The following ELL variants were observed in gnomAD, a reference collection of about 807,000 sequenced individuals.
ELL encodes elongation factor for RNA polymerase II.
ELL carries 18 observed loss-of-function variants against 64.0 expected under a neutral mutation model. The observed-to-expected ratio is 0.28, with a 90% CI of 0.19 to 0.42. The LOEUF (loss-of-function observed/expected upper bound fraction) is 0.42. Among genes scored for constraint, ELL ranks in the 10% least tolerant of loss-of-function variants. The probability of loss-of-function intolerance (pLI) is 1.00; values close to 1 mark genes in which losing one functional copy is unlikely to be tolerated. For synonymous variants in ELL, 399 were observed against 376.2 expected, an observed-to-expected ratio of 1.06 and a Z score of -0.70; for missense variants, 797 against 870.4, an observed-to-expected ratio of 0.92 and a Z score of 1.06.
chr19:18,465,284 C>A (rs569986476), intron 4 of ELL, 128 bp downstream of exon 4: 1 of 1,327,768 alleles, frequency 7.5e-7, no homozygotes, highest in South Asian at 1.5e-5. Context: ...GCTCAGGGAC[C>A]GACTCCTCGG....
chr19:18,502,857 CCT>C (rs561603567), intron 1 of ELL, among the ~76,000 whole-genome samples: 138 of 152,310 alleles, frequency 9.1e-4, no homozygotes, highest in Middle Eastern at 6.8e-3. Flanking sequence ...TCCAAAAGCC[CCT>C]GTCTTGGGAA....
chr19:18,502,939 G>A (rs538501903), intron 1 of ELL, among the ~76,000 whole-genome samples: 32 of 152,232 alleles, frequency 2.1e-4, no homozygotes, highest in Non-Finnish European at 3.8e-4. Context: ...GCAGGCCAGC[G>A]CTCCAGGCAG....
intron 1 of ELL, among the ~76,000 whole-genome samples, chr19:18,518,160 C>G (rs993843139): frequency 6.0e-5 from 9 of 150,712 alleles, no homozygotes; most frequent in Admixed American, 5.3e-4. Flanking sequence ...TACACTCCAG[C>G]CTAGCAACAA....
At chr19:18,465,295 T>G (rs1974909987) in intron 4 of ELL, 117 bp downstream of exon 4, 1 of 1,390,366 alleles carries the variant, frequency 7.2e-7, no homozygotes, top group African/African-American at 1.5e-5. Context: ...GACTCCTCGG[T>G]TGACCCATCA....
chr19:18,482,093 T>C (rs1489139419), intron 1 of ELL, among the ~76,000 whole-genome samples: 3 of 152,278 alleles, frequency 2.0e-5, no homozygotes, highest in African/African-American at 7.2e-5. Flanking sequence ...AGGTTCATGT[T>C]TGGGTTTCCC....
Position 18,496,985 on chromosome 19 carries a change from C to G in ELL, c.136-24103G>C, listed in dbSNP as rs141695697. Among the ~76,000 whole-genome samples the G allele has an allele frequency of 4.4e-3, 671 of 152,310 alleles. 5 individuals are homozygous for G. The highest frequency in any genetic ancestry group is 0.016 in the African/African-American group (648 of 41,572). On this transcript the variant is annotated intron_variant, in intron 1 of 11. Transcript: ENST00000262809. ...CAAAATGGTGCGGCCTCAACAGATT[C>G]CTGAAAAACTAAACTAACATACTCT...
chr19:18,486,428 G>C (rs1975418981), intron 1 of ELL, among the ~76,000 whole-genome samples: 1 of 152,152 alleles, frequency 6.6e-6, no homozygotes, highest in Non-Finnish European at 1.5e-5. Context: ...TGTGACCCAG[G>C]TCAGAAGGAG....
At chr19:18,465,688 A>C in intron 3 of ELL, 109 bp downstream of exon 3, 1 of 1,474,426 alleles carries the variant, frequency 6.8e-7, no homozygotes, top group South Asian at 1.4e-5. Context: ...CTCTGTCAAC[A>C]CCATCTCAGG....
chr19:18,495,715 C>T (rs536583874), intron 1 of ELL, among the ~76,000 whole-genome samples: 1 of 152,328 alleles, frequency 6.6e-6, no homozygotes, highest in South Asian at 2.1e-4. Flanking sequence ...CCCCTGCCCC[C>T]TGTACGAGTG....
Position 18,451,612 on chromosome 19 carries a change from A to T in ELL, c.906T>A (p.Leu302=). The part of the protein sequence containing the change: ...LCQPQSTGSL[L]GDPAASSPPG... ...GGGGGCTGGAGGCAGCAGGGTCTCC[A>T]AGGAGGCTGCCAGTGCTCTGTGGCT... The change falls in exon 7 of 12, where the codon CTT becomes CTA. Residue 302 remains leucine, a synonymous_variant. Transcript: ENST00000262809. 6.7e-7 allele frequency: 1 copy of T among 1,502,864 alleles called. No homozygotes were observed. The highest frequency in any genetic ancestry group is 8.8e-7 in the Non-Finnish European group (1 of 1,132,252). 93.1% of individuals were successfully genotyped at this position (1,502,864 alleles called of 1,614,324 possible). A position where few individuals can be genotyped will look rare whatever the true frequency, so the allele number is the denominator to read the frequency against.
intron 1 of ELL, among the ~76,000 whole-genome samples, chr19:18,496,583 C>G (rs115644801): frequency 0.011 from 1,677 of 151,970 alleles, 35 homozygotes; most frequent in African/African-American, 0.038. Context: ...CTACAGAGAT[C>G]ATGGGTTGGA....
intron 1 of ELL, among the ~76,000 whole-genome samples, chr19:18,505,084 C>T (rs1471179743): frequency 2.6e-5 from 4 of 152,222 alleles, no homozygotes; most frequent in African/African-American, 7.2e-5. Flanking sequence ...ATGGCCAAAC[C>T]TCAGGCGACT....
At chr19:18,448,065 C>A (rs1018337336) in intron 8 of ELL, among the ~76,000 whole-genome samples, 1 of 151,672 alleles carries the variant, frequency 6.6e-6, no homozygotes, top group Non-Finnish European at 1.5e-5. Context: ...GGATTAAAGG[C>A]ATGAACCACC....
At chr19:18,482,804 TG>T (rs1975333464) in intron 1 of ELL, among the ~76,000 whole-genome samples, 1 of 152,166 alleles carries the variant, frequency 6.6e-6, no homozygotes, top group Admixed American at 6.5e-5. Flanking sequence ...TTGCTGCTGT[TG>T]TTTTGAGACA....
intron 6 of ELL, among the ~76,000 whole-genome samples, chr19:18,457,963 G>A (rs35685562): frequency 6.6e-5 from 10 of 152,150 alleles, no homozygotes; most frequent in African/African-American, 1.2e-4. Flanking sequence ...TTCCAAGGTC[G>A]GGGCCAGTGA....
rs748609 is a variant in ELL at position 18,449,472 on chromosome 19, T to G, written c.1465+1005A>C. On this transcript the variant is annotated intron_variant, in intron 8 of 11. Transcript: ENST00000262809. This position sits in a 1 kb window ranked among gnomAD's most constrained non-coding sequence, Gnocchi z 4.4. ...CAGGGCTGACCCAACCCCGAAAGTC[T>G]TCCTTCCTATCCAGTAAGACCCAGC... Among the ~76,000 whole-genome samples the G allele has an allele frequency of 6.6e-6, 1 of 151,960 alleles. No homozygotes were observed. Among genetic ancestry groups the G allele is most frequent in the Admixed American group, 6.6e-5 (1 of 15,266 alleles).
At chr19:18,518,094 C>T (rs999940321) in intron 1 of ELL, among the ~76,000 whole-genome samples, 1 of 151,968 alleles carries the variant, frequency 6.6e-6, no homozygotes, top group African/African-American at 2.4e-5. Flanking sequence ...GTGGTGCATG[C>T]CTGTAATCCC....
At chr19:18,509,582 T>TAAGCGCGCGCGCGC (rs1975957708) in intron 1 of ELL, among the ~76,000 whole-genome samples, 1 of 95,538 alleles carries the variant, frequency 1.0e-5, no homozygotes, top group Non-Finnish European at 2.1e-5. Flanking sequence ...CCAATGCACG[T>TAAGCGCGCGCGCGC]GCGCGCGCGC....
At chr19:18,455,153 A>AG (rs1238006446) in intron 6 of ELL, among the ~76,000 whole-genome samples, 7 of 150,972 alleles carry the variant, frequency 4.6e-5, no homozygotes, top group Admixed American at 1.3e-4. Flanking sequence ...AAAAAAAAAA[A>AG]AAAGAAAGAA....
Sources: allele counts gnomAD v4.1 joint callset (sites outside exome capture counted in the v4.1 genomes callset), GRCh38; gene constraint gnomAD v4.1.1; non-coding constraint Gnocchi (gnomAD v3.1); transcripts MANE v1.5; gene names NCBI Gene and HGNC (gene_info 2026-07-23, HGNC 2026-07-21).